The following HDAC9 variants were observed in gnomAD, a reference collection of about 807,000 sequenced individuals.
HDAC9 encodes the protein histone deacetylase 9, also known as MEF-2 interacting transcription repressor (MITR) protein.
In HDAC9, 41 loss-of-function variants were observed where a neutral mutation model predicts 139.4. That is an observed-to-expected ratio of 0.29 (90% CI 0.23 to 0.38). HDAC9 has a LOEUF of 0.38. Ranked by LOEUF, HDAC9 falls within the 10% of genes least tolerant of loss-of-function variation. HDAC9 has a pLI of 1.00. For synonymous variants in HDAC9, 517 were observed against 476.2 expected, an observed-to-expected ratio of 1.09 and a Z score of -1.12; for missense variants, 1,147 against 1,297.0, an observed-to-expected ratio of 0.88 and a Z score of 1.78.
chr7:18,168,892 T>TG (rs1562700482), intron 2 of HDAC9, among the ~76,000 whole-genome samples: 151 of 114,700 alleles, frequency 1.3e-3, no homozygotes, highest in East Asian at 4.8e-3. Flanking sequence ...TTTTTTTTTT[T>TG]TTTTTTGTGT....
rs764762561 is a variant in HDAC9 at position 19,001,040 on chromosome 7, A to G, written c.*4978A>G. ...CTTAAAAGATAGATTTAGTTATTGT[A>G]TTTTGGTCTACAATTTTGGACTTGG... On this transcript the variant is annotated 3_prime_UTR_variant, in exon 26 of 26. Transcript: ENST00000686413. 6.6e-6 allele frequency: 1 copy of G among 152,090 alleles called. No homozygotes were observed. The highest frequency in any genetic ancestry group is 1.9e-4 in the East Asian group (1 of 5,196). The allele number at this position is 152,090 out of a possible 1,614,324, so 9.4% of individuals were successfully genotyped here.
chr7:18,627,713 T>C (rs945977245), intron 6 of HDAC9, among the ~76,000 whole-genome samples: 21 of 152,170 alleles, frequency 1.4e-4, no homozygotes, highest in African/African-American at 4.6e-4. Context: ...CGGCAAGTGA[T>C]ACATTTCAGA....
At chr7:18,724,102 C>A (rs566959718) in intron 12 of HDAC9, among the ~76,000 whole-genome samples, 54 of 152,260 alleles carry the variant, frequency 3.5e-4, no homozygotes, top group Non-Finnish European at 6.8e-4. Flanking sequence ...TGGTTAATTC[C>A]AATTTGTCTT....
At chr7:18,465,183 T>C (rs1441623368) in intron 1 of HDAC9, among the ~76,000 whole-genome samples, 1 of 152,022 alleles carries the variant, frequency 6.6e-6, no homozygotes, top group Non-Finnish European at 1.5e-5. Flanking sequence ...TTTTTTAGTT[T>C]CTTGAAGTTC....
chr7:18,885,450 T>G (rs1800069855), intron 22 of HDAC9, among the ~76,000 whole-genome samples: 1 of 152,220 alleles, frequency 6.6e-6, no homozygotes, highest in Non-Finnish European at 1.5e-5. Flanking sequence ...CTTTGTGTAT[T>G]TTTTGTATTA....
intron 13 of HDAC9, among the ~76,000 whole-genome samples, chr7:18,734,562 G>A (rs967779359): frequency 3.3e-5 from 5 of 152,174 alleles, no homozygotes; most frequent in Admixed American, 3.3e-4. Context: ...CAAAGGACAT[G>A]AACTCATCCT....
chr7:18,870,453 G>A (rs1271058455), intron 21 of HDAC9, among the ~76,000 whole-genome samples: 1 of 152,098 alleles, frequency 6.6e-6, no homozygotes, highest in African/African-American at 2.4e-5. Context: ...AAACGCCATA[G>A]GACTGCTTTG....
At chr7:18,648,341 T>C in intron 10 of HDAC9, 125 bp from the exon 11 acceptor site, 1 of 783,604 alleles carries the variant, frequency 1.3e-6, no homozygotes, top group Non-Finnish European at 2.0e-6. Flanking sequence ...TCACTAATTT[T>C]CTTACAGTTT....
rs547577501 is a variant in HDAC9, at chr7:18,485,925, T to C, written c.-41-10337T>C. Among the ~76,000 whole-genome samples the C allele has an allele frequency of 3.3e-5, 5 of 152,262 alleles. No individual in the cohort carries two copies. In the East Asian group the frequency reaches 9.7e-4, roughly 29 times the overall value. On this transcript the variant is annotated intron_variant, in intron 1 of 3. Coordinates refer to the HDAC9 transcript ENST00000413509. ...GAAATGTTATTGTCTTAGTCTGTTT[T>C]GTGTTGCTGTAATAGAATACCACAG...
Position 18,700,228 on chromosome 7 carries a change from G to C in HDAC9, c.1732-27352G>C, listed in dbSNP as rs189254045. Reference sequence around the variant, plus strand: ...TCTACTTCAACAATCATATGTTTGTGTATGGCGATGGGGAGAGGGAGAGAA... The same window carrying C: ...TCTACTTCAACAATCATATGTTTGTCTATGGCGATGGGGAGAGGGAGAGAA... On this transcript the variant is annotated intron_variant, in intron 12 of 25. Transcript: ENST00000686413. 9.2e-5 allele frequency among the ~76,000 whole-genome samples: 14 copies of C among 152,336 alleles called. No individual in the cohort carries two copies. In the East Asian group the frequency reaches 2.5e-3, roughly 27 times the overall value.
At position 18,088,281 on chromosome 7, in the gene HDAC9, G is replaced by A. The variant is rs570574583; in HGVS notation, c.-97+1068G>A. Among the ~76,000 whole-genome samples the A allele has an allele frequency of 1.1e-4, 16 of 152,264 alleles. No individual in the cohort carries two copies. In the South Asian group the frequency reaches 3.3e-3, roughly 32 times the overall value. ...TTTAACTTCTACCAGAAAAGAAAGC[G>A]AAGAGTTAATTTTTTTCTCCCCAAA... On this transcript the variant is annotated intron_variant, in intron 1 of 12. Transcript: ENST00000417496.
intron 21 of HDAC9, among the ~76,000 whole-genome samples, chr7:18,857,839 A>G (rs192868568): frequency 1.6e-4 from 24 of 152,236 alleles, no homozygotes; most frequent in Non-Finnish European, 3.1e-4. Flanking sequence ...TTTGTTTTCA[A>G]ATGGGAATGT....
chr7:18,816,043 T>C (rs1794539159), intron 17 of HDAC9, among the ~76,000 whole-genome samples: 1 of 152,248 alleles, frequency 6.6e-6, no homozygotes, highest in Non-Finnish European at 1.5e-5. Flanking sequence ...ATGCATATGG[T>C]AAACCATAGC....
chr7:18,108,289 G>T lies in HDAC9; in HGVS notation c.-97+21076G>T, dbSNP rs561082128. On this transcript the variant is annotated intron_variant, in intron 1 of 12. Coordinates refer to the HDAC9 transcript ENST00000417496. ...ACAGATTCAAGTAGCAATGACCAGG[G>T]AGTGTGGGGCAGTACCAACAGCGTT... 3.9e-4 allele frequency among the ~76,000 whole-genome samples: 60 copies of T among 152,294 alleles called. 1 individual carries two copies. The South Asian group carries it at 0.012, about 32-fold the overall frequency.
At chr7:18,616,104 C>T (rs1391061315) in intron 6 of HDAC9, among the ~76,000 whole-genome samples, 1 of 152,186 alleles carries the variant, frequency 6.6e-6, no homozygotes. Flanking sequence ...TGCACTGACA[C>T]TTCTCTGCCT....
At chr7:18,827,330 A>G (rs997557620) in intron 17 of HDAC9, among the ~76,000 whole-genome samples, 4 of 152,124 alleles carry the variant, frequency 2.6e-5, no homozygotes, top group Non-Finnish European at 5.9e-5. Flanking sequence ...GCTTGTGTAC[A>G]TAGTTAATGG....
chr7:18,211,328 G>A (rs140574814), intron 2 of HDAC9, among the ~76,000 whole-genome samples: 1 of 152,184 alleles, frequency 6.6e-6, no homozygotes, highest in African/African-American at 2.4e-5. Flanking sequence ...AGGCCCTGAG[G>A]CTATTTCTTG....
chr7:18,301,275 A>G (rs1798520649), intron 1 of HDAC9, among the ~76,000 whole-genome samples: 1 of 152,196 alleles, frequency 6.6e-6, no homozygotes, highest in African/African-American at 2.4e-5. Context: ...GCTATTGACT[A>G]AGTGATTTAA....
At chr7:18,442,031 A>C (rs1490051889) in intron 1 of HDAC9, among the ~76,000 whole-genome samples, 2 of 152,032 alleles carry the variant, frequency 1.3e-5, no homozygotes, top group Non-Finnish European at 2.9e-5. Flanking sequence ...CAGCCTCCCA[A>C]AGTGCTAGGA....
Sources: gnomAD v4.1 joint callset for allele counts (sites outside exome capture counted in the v4.1 genomes callset) on GRCh38, gnomAD v4.1.1 for gene constraint, MANE v1.5 for transcripts, NCBI Gene and HGNC (gene_info 2026-07-23, HGNC 2026-07-21) for gene names.